The following CSMD1 variants were observed in gnomAD, a reference collection of about 807,000 sequenced individuals.
The protein encoded by CSMD1 is CUB and sushi domain-containing protein 1.
Under a neutral mutation model 417.5 loss-of-function variants are expected in CSMD1, and 213 were observed. That is an observed-to-expected ratio of 0.51 (90% confidence interval 0.46 to 0.57). The LOEUF (loss-of-function observed/expected upper bound fraction) is 0.57. Ranked by LOEUF, CSMD1 falls within the 20% of genes least tolerant of loss-of-function variation. The probability of loss-of-function intolerance (pLI) is 0.00; values close to 1 mark genes in which losing one functional copy is unlikely to be tolerated. For synonymous variants in CSMD1, 2,862 were observed against 1,736.8 expected (o/e 1.65, Z -16.11); for missense variants, 6,923 against 4,529.7 (o/e 1.53, Z -15.17).
At chr8:4,426,022 C>A (rs1002473232) in intron 2 of CSMD1, among the ~76,000 whole-genome samples, 1 of 151,580 alleles carries the variant, frequency 6.6e-6, no homozygotes, top group Non-Finnish European at 1.5e-5. Context: ...AATGTGTTTT[C>A]CAAATCTCCA....
At chr8:3,989,091 A>C (rs1293718559) in intron 5 of CSMD1, among the ~76,000 whole-genome samples, 3 of 152,214 alleles carry the variant, frequency 2.0e-5, no homozygotes, top group African/African-American at 7.2e-5. Context: ...ACTGTTTCTT[A>C]CAGCAGTAAA....
chr8:4,141,253 G>C (rs1279728439), intron 3 of CSMD1, among the ~76,000 whole-genome samples: 1 of 151,054 alleles, frequency 6.6e-6, no homozygotes, highest in African/African-American at 2.5e-5. Context: ...GAATAAGCTT[G>C]ATGCTGAAAT....
At chr8:4,524,505 T>G (rs898708521) in intron 2 of CSMD1, among the ~76,000 whole-genome samples, 1 of 150,700 alleles carries the variant, frequency 6.6e-6, no homozygotes, top group African/African-American at 2.4e-5. Context: ...GGATATGTGA[T>G]GGGAAAACAT....
At chr8:4,140,685 A>ATAG (rs1381473021) in intron 3 of CSMD1, among the ~76,000 whole-genome samples, 1 of 150,784 alleles carries the variant, frequency 6.6e-6, no homozygotes, top group African/African-American at 2.5e-5. Context: ...AATAATAATA[A>ATAG]TAGAGTAGAA....
intron 2 of CSMD1, among the ~76,000 whole-genome samples, chr8:4,529,615 G>C (rs79531944): frequency 1.3e-5 from 2 of 151,998 alleles, no homozygotes; most frequent in African/African-American, 4.8e-5. Flanking sequence ...ATTTAACAAA[G>C]ACAAAAGACA....
intron 5 of CSMD1, among the ~76,000 whole-genome samples, chr8:3,955,840 C>T (rs192278354): frequency 6.6e-6 from 1 of 152,318 alleles, no homozygotes; most frequent in Non-Finnish European, 1.5e-5. Flanking sequence ...TTGCCCCCTG[C>T]CACACTGAGA....
intron 3 of CSMD1, among the ~76,000 whole-genome samples, chr8:4,318,365 G>A (rs1799059369): frequency 1.3e-5 from 2 of 151,970 alleles, no homozygotes; most frequent in Admixed American, 6.6e-5. Flanking sequence ...ATGCACACAT[G>A]TGCACACTCT....
chr8:4,203,409 C>A (rs6992344), intron 3 of CSMD1, among the ~76,000 whole-genome samples: 249 of 152,264 alleles, frequency 1.6e-3, no homozygotes, highest in African/African-American at 5.6e-3. Context: ...TATGCCACTA[C>A]ATTTGTGGTA....
At chr8:3,258,768 A>G (rs1563195770) in intron 26 of CSMD1, among the ~76,000 whole-genome samples, 2 of 152,258 alleles carry the variant, frequency 1.3e-5, no homozygotes, top group Admixed American at 6.5e-5. Context: ...GCTTTAAAAA[A>G]GAATGAGATC....
intron 1 of CSMD1, among the ~76,000 whole-genome samples, chr8:4,759,828 T>A (rs1432826988): frequency 1.3e-5 from 2 of 152,222 alleles, no homozygotes; most frequent in Non-Finnish European, 2.9e-5. Context: ...GACATTTGGG[T>A]TGATTCCATG....
chr8:3,669,218 G>T (rs548505086), intron 7 of CSMD1, among the ~76,000 whole-genome samples: 1 of 152,306 alleles, frequency 6.6e-6, no homozygotes, highest in East Asian at 1.9e-4. Flanking sequence ...TAAATTCAAA[G>T]ACACTAAATA....
chr8:2,959,482 G>T (rs7816326), intron 62 of CSMD1, among the ~76,000 whole-genome samples: 2,079 of 152,276 alleles, frequency 0.014, 55 homozygotes, highest in African/African-American at 0.047. Context: ...TGGTAAACAT[G>T]CTGACATTCT....
intron 17 of CSMD1, among the ~76,000 whole-genome samples, chr8:3,391,050 T>C (rs1181217594): frequency 6.6e-6 from 1 of 152,216 alleles, no homozygotes; most frequent in African/African-American, 2.4e-5. Flanking sequence ...CATCCATGCG[T>C]GTGCCTGTGA....
intron 10 of CSMD1, among the ~76,000 whole-genome samples, chr8:3,572,000 T>A (rs914005763): frequency 6.6e-6 from 1 of 152,124 alleles, no homozygotes; most frequent in Non-Finnish European, 1.5e-5. Context: ...CGGTAGCCCA[T>A]TCATTTGACT....
rs535328651 is a variant in CSMD1 at position 3,206,658 on chromosome 8, GT to G, written c.4868-1039del. ...TCTGTGTGTGTGTGGGTGTATGTGT[GT>G]GGGGGTATGTCTGTGTGTGTGTGTA... On this transcript the variant is annotated intron_variant, in intron 30 of 69. Coordinates refer to ENST00000635120, the MANE Select transcript of CSMD1 (RefSeq NM_033225.6). Among the ~76,000 whole-genome samples the G allele has an allele frequency of 2.6e-3, 373 of 140,766 alleles. 4 individuals carry two copies. The highest frequency in any genetic ancestry group is 9.3e-3 in the African/African-American group (348 of 37,436). The allele number at this position is 140,766 out of a possible 152,430, so 92.3% of individuals were successfully genotyped here.
chr8:3,309,278 C>A (rs918075192), intron 23 of CSMD1, among the ~76,000 whole-genome samples: 1 of 151,748 alleles, frequency 6.6e-6, no homozygotes, highest in African/African-American at 2.4e-5. Context: ...CGCCCACCTT[C>A]CCGACAACTT....
chr8:3,302,725 A>G (rs1804514317), intron 25 of CSMD1, among the ~76,000 whole-genome samples: 1 of 152,212 alleles, frequency 6.6e-6, no homozygotes, highest in African/African-American at 2.4e-5. Flanking sequence ...GTGCCTCGTT[A>G]TCCATATAGT....
At chr8:4,721,200 T>C (rs1809032349) in intron 1 of CSMD1, among the ~76,000 whole-genome samples, 1 of 152,178 alleles carries the variant, frequency 6.6e-6, no homozygotes, top group Non-Finnish European at 1.5e-5. Flanking sequence ...TTTGTCCCTA[T>C]CCATGTAATT....
intron 3 of CSMD1, among the ~76,000 whole-genome samples, chr8:4,290,290 TGTCTACAGATGTGAAATTTCAGATG>T (rs1313535439): frequency 3.8e-4 from 58 of 152,210 alleles, no homozygotes; most frequent in African/African-American, 1.4e-3. Context: ...TTTTCACATA[TGTCTACAGATGTGAAATTTCAGATG>T]GTCGTGTTTG....
Sources: gnomAD v4.1 joint callset for allele counts (sites outside exome capture counted in the v4.1 genomes callset) on GRCh38, gnomAD v4.1.1 for gene constraint, MANE v1.5 for transcripts, NCBI Gene and HGNC (gene_info 2026-07-23, HGNC 2026-07-21) for gene names.